Variants in PWP1 observed in about 807,000 individuals in gnomAD.
The protein encoded by PWP1 is PWP1 homolog, endonuclein.
Under a neutral mutation model 69.9 loss-of-function variants are expected in PWP1, and 47 were observed. The ratio of observed to expected loss-of-function variants is 0.67; its 90% confidence interval spans 0.53 to 0.86. The LOEUF (loss-of-function observed/expected upper bound fraction) is 0.86. Among genes scored for constraint, PWP1 ranks in the 40% least tolerant of loss-of-function variants. The probability of loss-of-function intolerance (pLI) is 0.00; values close to 1 mark genes in which losing one functional copy is unlikely to be tolerated. For synonymous variants in PWP1, 222 were observed against 208.2 expected, an observed-to-expected ratio of 1.07 and a Z score of -0.57; for missense variants, 551 against 608.8, an observed-to-expected ratio of 0.91 and a Z score of 1.00.
intron 1 of PWP1, among the ~76,000 whole-genome samples, chr12:107,688,200 G>A (rs1218735820): frequency 6.6e-6 from 1 of 152,058 alleles, no homozygotes; most frequent in African/African-American, 2.4e-5. Context: ...ACCAGTCTTT[G>A]GAGTTTTAAG....
chr12:107,709,266 A>T (rs766225745), intron 13 of PWP1, 34 bp downstream of exon 13: 52 of 1,603,776 alleles, frequency 3.2e-5, no homozygotes, highest in Non-Finnish European at 4.3e-5. Flanking sequence ...TTTTTTATTT[A>T]TTCTGTTTCT....
At chr12:107,698,314 A>C (rs1177309220) in intron 7 of PWP1, among the ~76,000 whole-genome samples, 1 of 152,080 alleles carries the variant, frequency 6.6e-6, no homozygotes, top group Non-Finnish European at 1.5e-5. Context: ...GTGAGCTCAC[A>C]CCACTGCACT....
chr12:107,693,065 T>C lies in PWP1; in HGVS notation c.471T>C (p.Ala157=), dbSNP rs747623244. The C allele has an allele frequency of 1.4e-5, 23 of 1,614,044 alleles. No individual in the cohort carries two copies. The African/African-American group carries it at 1.9e-4, about 13-fold the overall frequency. The change falls in exon 5 of 15, where the codon GCT becomes GCC. Residue 157 remains alanine, a synonymous_variant. Transcript: ENST00000412830. ...ATAATCTTATAGTTTGTGGCCGAGC[T>C]GAACAGGACCAGTGCAATTTAGAGG... The part of the protein sequence containing the change: ...PSDNLIVCGR[A]EQDQCNLEVH...
chr12:107,704,553 C>A, intron 10 of PWP1, 83 bp from the exon 11 acceptor site: 1 of 902,390 alleles, frequency 1.1e-6, no homozygotes, highest in South Asian at 1.6e-5. Context: ...TTTCACAGTG[C>A]TATTTTATTA....
chr12:107,699,477 C>A, intron 8 of PWP1, 43 bp downstream of exon 8: 1 of 1,502,072 alleles, frequency 6.7e-7, no homozygotes, highest in Non-Finnish European at 9.2e-7. Context: ...AGACTGTAGC[C>A]ATTGTGATCT....
At chr12:107,700,866 G>A (rs534645424) in intron 8 of PWP1, among the ~76,000 whole-genome samples, 1 of 152,038 alleles carries the variant, frequency 6.6e-6, no homozygotes, top group African/African-American at 2.4e-5. Flanking sequence ...TGGGTATGAA[G>A]TGGTATATCA....
In PWP1 at chr12:107,699,257, TCAAAA is replaced by T. The variant is rs919873574; in HGVS notation, c.745-100_745-96del. 1.1e-4 allele frequency: 91 copies of T among 843,826 alleles called. 1 individual carries two copies. The highest frequency in any genetic ancestry group is 7.3e-4 in the Middle Eastern group (2 of 2,732). 52.3% of individuals were successfully genotyped at this position (843,826 alleles called of 1,614,324 possible). ...CAGGGCAACAGACAAAGACTCCGTC[TCAAAA>T]CAAAACAAAACAAAATAATCTTAAG... On this transcript the variant is annotated intron_variant, in intron 7 of 14. Coordinates refer to ENST00000412830, the MANE Select transcript of PWP1 (RefSeq NM_007062.3).
At chr12:107,706,163 T>A (rs997561950) in intron 11 of PWP1, among the ~76,000 whole-genome samples, 1 of 152,252 alleles carries the variant, frequency 6.6e-6, no homozygotes, top group Admixed American at 6.5e-5. Flanking sequence ...GATGAGCATT[T>A]TTTCATGTGT....
intron 1 of PWP1, 115 bp from the exon 2 acceptor site, chr12:107,688,333 T>C (rs1173822178): frequency 1.2e-5 from 9 of 782,322 alleles, no homozygotes; most frequent in Non-Finnish European, 1.6e-5. Context: ...TTGATTCTTA[T>C]CTTGATGACA....
chr12:107,697,722 T>C (rs974100244), intron 7 of PWP1, 125 bp downstream of exon 7: 6 of 964,120 alleles, frequency 6.2e-6, no homozygotes, highest in African/African-American at 4.9e-5. Context: ...TAGGTAGTTA[T>C]GAAATTATTG....
rs866792322 is a variant in PWP1 at position 107,702,967 on chromosome 12, C to T, written c.839C>T (p.Thr280Ile). The change falls in exon 9 of 15, where the codon ACT (threonine) becomes ATT (isoleucine). Residue 280 changes from threonine (T) to isoleucine (I), a missense_variant. Transcript: ENST00000412830. ...TTAGCAAGTGCATCAGCTGACAACA[C>T]TGTAATTCTGTGGGATATGTCCTTG... The part of the protein sequence containing the change: ...NVLASASADN[T>I]VILWDMSLGK... 1.2e-6 allele frequency: 2 copies of T among 1,611,704 alleles called. No individual in the cohort carries two copies. Among genetic ancestry groups the T allele is most frequent in the East Asian group, 2.2e-5 (1 of 44,852 alleles).
At chr12:107,705,089 T>G (rs1050432797) in intron 11 of PWP1, among the ~76,000 whole-genome samples, 8 of 152,182 alleles carry the variant, frequency 5.3e-5, no homozygotes, top group African/African-American at 1.9e-4. Context: ...TGATATTCTT[T>G]TCTTTAAATC....
At chr12:107,703,978 C>T (rs1223267112) in intron 10 of PWP1, among the ~76,000 whole-genome samples, 1 of 152,192 alleles carries the variant, frequency 6.6e-6, no homozygotes, top group African/African-American at 2.4e-5. Flanking sequence ...CTTTTAGAGG[C>T]TGTACTTTGC....
chr12:107,707,869 G>A (rs886505622), intron 11 of PWP1, among the ~76,000 whole-genome samples: 2 of 151,986 alleles, frequency 1.3e-5, no homozygotes, highest in Admixed American at 6.6e-5. Flanking sequence ...CTGTTTTTTC[G>A]TTGTGTCTCT....
intron 1 of PWP1, among the ~76,000 whole-genome samples, chr12:107,686,436 G>T (rs940806368): frequency 6.6e-6 from 1 of 152,226 alleles, no homozygotes; most frequent in Non-Finnish European, 1.5e-5. Flanking sequence ...CTGGTGTGGA[G>T]GCTAAGATGT....
At chr12:107,711,657 T>C (rs868672057) in intron 14 of PWP1, among the ~76,000 whole-genome samples, 15 of 151,822 alleles carry the variant, frequency 9.9e-5, no homozygotes, top group Middle Eastern at 3.4e-3. Context: ...ACAGAGATAA[T>C]ATATATATCT....
intron 1 of PWP1, 182 bp downstream of exon 1, chr12:107,686,153 G>A (rs541101881): frequency 6.0e-6 from 4 of 662,242 alleles, no homozygotes; most frequent in African/African-American, 1.8e-5. Context: ...GTTCGCCTGA[G>A]CCTGGAGAGT....
chr12:107,694,698 C>T (rs1484298980), intron 5 of PWP1, among the ~76,000 whole-genome samples: 5 of 151,892 alleles, frequency 3.3e-5, no homozygotes, highest in Non-Finnish European at 5.9e-5. Context: ...TTTTTTTTGT[C>T]ATCATCGATT....
intron 5 of PWP1, among the ~76,000 whole-genome samples, chr12:107,696,246 T>C (rs142974855): frequency 1.1e-4 from 17 of 152,236 alleles, no homozygotes; most frequent in African/African-American, 3.6e-4. Flanking sequence ...TTGGCCAGGC[T>C]GGTCTCGAAC....
Sources: allele counts gnomAD v4.1 joint callset (sites outside exome capture counted in the v4.1 genomes callset), GRCh38; gene constraint gnomAD v4.1.1; transcripts MANE v1.5; gene names NCBI Gene and HGNC (gene_info 2026-07-23, HGNC 2026-07-21).